Variants in MYO3A observed in about 807,000 individuals in gnomAD.
The protein encoded by MYO3A is myosin-IIIa.
In MYO3A, 180 loss-of-function variants were observed where a neutral mutation model predicts 192.7. The ratio of observed to expected loss-of-function variants is 0.93; its 90% CI spans 0.83 to 1.06. The LOEUF (loss-of-function observed/expected upper bound fraction) is 1.06. MYO3A is among the 50% of genes least tolerant of loss of function. The pLI is 0.00. For synonymous variants in MYO3A, 628 were observed against 645.3 expected, an observed-to-expected ratio of 0.97 and a Z score of 0.41; for missense variants, 1,896 against 1,905.0, an observed-to-expected ratio of 1.00 and a Z score of 0.09.
intron 10 of MYO3A, among the ~76,000 whole-genome samples, chr10:26,055,424 G>A (rs114537268): frequency 0.16 from 24,606 of 151,850 alleles, 2,253 homozygotes; most frequent in Non-Finnish European, 0.21. Context: ...GGAAAATACA[G>A]AAAATATCAG....
At chr10:26,002,057 C>G (rs1251460995) in intron 6 of MYO3A, among the ~76,000 whole-genome samples, 1 of 152,094 alleles carries the variant, frequency 6.6e-6, no homozygotes, top group African/African-American at 2.4e-5. Flanking sequence ...TCTAAAAGGA[C>G]TTATGGATTT....
intron 23 of MYO3A, among the ~76,000 whole-genome samples, chr10:26,152,340 C>T (rs1368470235): frequency 6.6e-6 from 1 of 152,218 alleles, no homozygotes; most frequent in African/African-American, 2.4e-5. Flanking sequence ...AATAAGGAGG[C>T]ACTACTTTTT....
chr10:26,020,036 T>TTCTC (rs148295835), intron 7 of MYO3A, among the ~76,000 whole-genome samples: 11,825 of 152,288 alleles, frequency 0.078, 511 homozygotes, highest in Non-Finnish European at 0.094. Flanking sequence ...TGAGAAACTA[T>TTCTC]TCTGTCTTTA....
chr10:25,965,090 G>A lies in MYO3A; in HGVS notation c.303+10082G>A, dbSNP rs559345955. The stretch of plus-strand genomic sequence containing the variant: ...AATGCCTTGAGGTAGTCTTCTTTGG[G>A]TTAAATCTGCTTGGTGTTCTACAAC... On this transcript the variant is annotated intron_variant, in intron 4 of 34. Transcript: ENST00000642920. Among the ~76,000 whole-genome samples the A allele has an allele frequency of 2.0e-5, 3 of 152,224 alleles. No homozygotes were observed. The East Asian group carries it at 5.8e-4, about 29-fold the overall frequency.
At chr10:26,098,107 T>C (rs1236440811) in intron 17 of MYO3A, among the ~76,000 whole-genome samples, 1 of 152,206 alleles carries the variant, frequency 6.6e-6, no homozygotes, top group Non-Finnish European at 1.5e-5. Flanking sequence ...ATGATCACCA[T>C]TCTAACTGGT....
intron 14 of MYO3A, among the ~76,000 whole-genome samples, chr10:26,070,817 C>CA (rs1835157276): frequency 6.7e-6 from 1 of 149,624 alleles, no homozygotes; most frequent in African/African-American, 2.4e-5. Context: ...ACAATAAAAT[C>CA]AAAAAAACAT....
At chr10:26,060,734 G>T (rs12779671) in intron 10 of MYO3A, among the ~76,000 whole-genome samples, 71,838 of 151,836 alleles carry the variant, frequency 0.47, 17,831 homozygotes, top group Middle Eastern at 0.59. Context: ...GTATAAAGAT[G>T]ATGGAAACAC....
chr10:26,098,998 T>G (rs1432314889), intron 17 of MYO3A, among the ~76,000 whole-genome samples: 3 of 152,238 alleles, frequency 2.0e-5, no homozygotes, highest in African/African-American at 4.8e-5. Flanking sequence ...CAAATTACCT[T>G]GAGCAATATG....
intron 10 of MYO3A, among the ~76,000 whole-genome samples, chr10:26,065,459 C>G (rs979793383): frequency 2.0e-5 from 3 of 151,800 alleles, no homozygotes; most frequent in Non-Finnish European, 2.9e-5. Flanking sequence ...GGTGGCCACG[C>G]CTGTAATCCC....
intron 10 of MYO3A, among the ~76,000 whole-genome samples, chr10:26,062,000 G>A (rs1302541048): frequency 6.6e-6 from 1 of 152,016 alleles, no homozygotes; most frequent in Non-Finnish European, 1.5e-5. Flanking sequence ...GTTCAATTCA[G>A]CAAATGTGGA....
chr10:25,967,158 A>G (rs977766131), intron 4 of MYO3A, among the ~76,000 whole-genome samples: 3 of 152,224 alleles, frequency 2.0e-5, no homozygotes, highest in African/African-American at 7.2e-5. Flanking sequence ...TATCTACACA[A>G]TCTAAATAAG....
chr10:26,072,341 G>A (rs1288050395), intron 14 of MYO3A, among the ~76,000 whole-genome samples: 11 of 152,116 alleles, frequency 7.2e-5, no homozygotes, highest in Admixed American at 1.3e-4. Context: ...TACTTGCTGC[G>A]CAGGAAGCCA....
intron 20 of MYO3A, among the ~76,000 whole-genome samples, chr10:26,135,980 A>G (rs917323140): frequency 1.3e-5 from 2 of 151,460 alleles, no homozygotes; most frequent in African/African-American, 4.8e-5. Flanking sequence ...AAAAAAAAAA[A>G]AAAAGAACAG....
intron 17 of MYO3A, among the ~76,000 whole-genome samples, chr10:26,097,588 C>T (rs996487140): frequency 1.4e-4 from 21 of 152,000 alleles, no homozygotes; most frequent in African/African-American, 4.8e-4. Context: ...ACCCTGTGTC[C>T]AAGTCTTCTC....
At chr10:26,184,011 A>G (rs1589097595) in intron 31 of MYO3A, among the ~76,000 whole-genome samples, 1 of 152,178 alleles carries the variant, frequency 6.6e-6, no homozygotes, top group East Asian at 1.9e-4. Flanking sequence ...AGAGCCCCGG[A>G]ATTCGAGACC....
intron 14 of MYO3A, among the ~76,000 whole-genome samples, chr10:26,085,116 T>C (rs1836226778): frequency 1.3e-5 from 2 of 152,140 alleles, no homozygotes; most frequent in African/African-American, 4.8e-5. Flanking sequence ...TTCTCTACTT[T>C]CATTTTTTAT....
chr10:26,177,992 T>G (rs1238593649), intron 31 of MYO3A, among the ~76,000 whole-genome samples: 1 of 150,430 alleles, frequency 6.6e-6, no homozygotes, highest in Admixed American at 6.6e-5. Flanking sequence ...TCATTCCTGC[T>G]GCTCTCCTGC....
chr10:26,043,149 G>GTCTCTCTCTCTCTCTCTC lies in MYO3A; in HGVS notation c.953+16637_953+16654dup, dbSNP rs59621862. Among the ~76,000 whole-genome samples the GTCTCTCTCTCTCTCTCTC allele has an allele frequency of 3.8e-3, 540 of 143,342 alleles. 5 individuals are homozygous for GTCTCTCTCTCTCTCTCTC. The highest frequency in any genetic ancestry group is 0.013 in the African/African-American group (507 of 37,992). 94.0% of individuals were successfully genotyped at this position (143,342 alleles called of 152,430 possible). A position where few individuals can be genotyped will look rare whatever the true frequency, so the allele number is the denominator to read the frequency against. ...CTTCCTGTACTTTCTGCCAAACAGA[G>GTCTCTCTCTCTCTCTCTC]TCTCTCTCTCTCTCTCTCTCTCTCT... On this transcript the variant is annotated intron_variant, in intron 10 of 34. Coordinates refer to ENST00000642920, the MANE Select transcript of MYO3A (RefSeq NM_017433.5).
intron 4 of MYO3A, among the ~76,000 whole-genome samples, chr10:25,987,822 AC>A (rs1162502957): frequency 6.6e-6 from 1 of 152,194 alleles, no homozygotes; most frequent in African/African-American, 2.4e-5. Flanking sequence ...AAGTAAATCT[AC>A]CATTTGATCC....
Sources: gnomAD v4.1 joint callset for allele counts (sites outside exome capture counted in the v4.1 genomes callset) on GRCh38, gnomAD v4.1.1 for gene constraint, MANE v1.5 for transcripts, NCBI Gene and HGNC (gene_info 2026-07-23, HGNC 2026-07-21) for gene names.